ANKRD36C: variants seen among roughly 807,000 people sequenced by gnomAD.
The protein encoded by ANKRD36C is ankyrin repeat domain 36C, also known as ankyrin repeat domain-containing protein 36C.
A neutral mutation model predicts 276.4 loss-of-function variants in ANKRD36C; 61 were observed. That is an observed-to-expected ratio of 0.22 (90% CI 0.18 to 0.27). ANKRD36C has a LOEUF of 0.27. Ranked by LOEUF, ANKRD36C falls within the 10% of genes least tolerant of loss-of-function variation. The pLI is 1.00. For missense variants in ANKRD36C, 1,447 were observed against 2,032.3 expected, an observed-to-expected ratio of 0.71 and a Z score of 5.54; for synonymous variants, 483 against 680.1, an observed-to-expected ratio of 0.71 and a Z score of 4.51.
intron 44 of ANKRD36C, 141 bp downstream of exon 64, chr2:95,893,392 A>C (rs1676433142): frequency 8.2e-7 from 1 of 1,215,678 alleles, no homozygotes; most frequent in Non-Finnish European, 1.1e-6. Context: ...GCATCACCCA[A>C]GAACTTACTA....
intron 60 of ANKRD36C, among the ~76,000 whole-genome samples, chr2:95,864,832 A>G (rs1043279208): frequency 3.3e-5 from 5 of 152,032 alleles, no homozygotes; most frequent in African/African-American, 1.2e-4. Context: ...GTAACAGGGT[A>G]GTTTGAGAAA....
intron 52 of ANKRD36C, among the ~76,000 whole-genome samples, chr2:95,885,035 GATAAT>G (rs1350175863): frequency 6.6e-6 from 1 of 151,924 alleles, no homozygotes; most frequent in African/African-American, 2.4e-5. Flanking sequence ...GGCACCAAAG[GATAAT>G]ATATTAGCCT....
At chr2:95,916,111 C>G (rs758121909) in intron 37 of ANKRD36C, 32 bp downstream of exon 39, 1 of 1,605,210 alleles carries the variant, frequency 6.2e-7, no homozygotes. Flanking sequence ...TATACGTTTA[C>G]TAGCTCACAA....
At chr2:95,991,778 A>G in exon 1 of ANKRD36C, 1 of 1,455,588 alleles carries the variant, frequency 6.9e-7, no homozygotes, top group Non-Finnish European at 9.4e-7. Flanking sequence ...GCCTCCGAAG[A>G]GCAACAACAG....
At chr2:95,889,683 C>G in intron 48 of ANKRD36C, 116 bp downstream of exon 68, 1 of 1,384,588 alleles carries the variant, frequency 7.2e-7, no homozygotes, top group Non-Finnish European at 1.0e-6. Context: ...TGAATAATCT[C>G]AGGAATACTG....
intron 59 of ANKRD36C, among the ~76,000 whole-genome samples, chr2:95,874,388 A>G (rs1378492837): frequency 2.0e-5 from 3 of 152,234 alleles, no homozygotes; most frequent in Non-Finnish European, 4.4e-5. Context: ...ATCTACAACT[A>G]TCTGATCTTT....
chr2:95,853,792 G>A, exon 64 of ANKRD36C: 2 of 1,606,802 alleles, frequency 1.2e-6, no homozygotes, highest in Non-Finnish European at 1.7e-6. Flanking sequence ...GAAGCATCCA[G>A]CAAAGCTTTT....
intron 44 of ANKRD36C, among the ~76,000 whole-genome samples, chr2:95,894,525 A>G (rs1332665568): frequency 4.0e-5 from 6 of 151,434 alleles, no homozygotes; most frequent in Non-Finnish European, 8.9e-5. Context: ...ATTGAAAATG[A>G]TCACTCTAGG....
At chr2:95,977,550 T>G (rs1048591325) in intron 6 of ANKRD36C, among the ~76,000 whole-genome samples, 7 of 152,114 alleles carry the variant, frequency 4.6e-5, no homozygotes, top group Non-Finnish European at 8.8e-5. Flanking sequence ...ACTAGATTGA[T>G]AGTAGTTCAA....
intron 56 of ANKRD36C, among the ~76,000 whole-genome samples, chr2:95,881,037 C>T (rs1676067105): frequency 6.6e-6 from 1 of 152,176 alleles, no homozygotes; most frequent in Non-Finnish European, 1.5e-5. Flanking sequence ...ATAACATAAA[C>T]ATTCATCATG....
chr2:95,868,124 A>G (rs1675719694), intron 59 of ANKRD36C, among the ~76,000 whole-genome samples: 1 of 151,778 alleles, frequency 6.6e-6, no homozygotes, highest in Non-Finnish European at 1.5e-5. Flanking sequence ...ACTTCTAGAC[A>G]TACTGCTGAT....
chr2:95,876,711 G>A (rs1031244772), intron 58 of ANKRD36C, among the ~76,000 whole-genome samples, 199 bp from the exon 79 acceptor site: 1 of 146,668 alleles, frequency 6.8e-6, no homozygotes, highest in Non-Finnish European at 1.5e-5. Context: ...AATTAGCTGG[G>A]CGTGGTGGTG....
At chr2:95,872,732 GT>G (rs989092155) in intron 59 of ANKRD36C, among the ~76,000 whole-genome samples, 1 of 151,958 alleles carries the variant, frequency 6.6e-6, no homozygotes, top group African/African-American at 2.4e-5. Flanking sequence ...CCAGGAGCTG[GT>G]TTTTTGAAAG....
At chr2:95,948,357 T>TA (rs1553408071) in intron 17 of ANKRD36C, among the ~76,000 whole-genome samples, 173 bp downstream of exon 17, 12 of 139,484 alleles carry the variant, frequency 8.6e-5, no homozygotes, top group Non-Finnish European at 1.6e-4. Flanking sequence ...ATTTGCAAAG[T>TA]AAAAAAAAAT....
At position 95,968,096 on chromosome 2, in the gene ANKRD36C, GA is replaced by G. The variant is rs1004513760; in HGVS notation, c.800-5550del. 4.7e-5 allele frequency among the ~76,000 whole-genome samples: 7 copies of G among 150,030 alleles called. No individual in the cohort carries two copies. In the South Asian group the frequency reaches 1.0e-3, roughly 22 times the overall value. On this transcript the variant is annotated intron_variant, in intron 6 of 66. Coordinates refer to ENST00000456556, the Ensembl canonical transcript of ANKRD36C. ...GACAAAGTGAGACTTCATCTCAAAA[GA>G]AAAAAAAATCATGAACTTTTGTACA...
At chr2:95,896,409 T>C (rs1228085468) in intron 44 of ANKRD36C, among the ~76,000 whole-genome samples, 3 of 148,998 alleles carry the variant, frequency 2.0e-5, no homozygotes, top group Non-Finnish European at 3.0e-5. Context: ...TAGGAGTTAG[T>C]TAGAATTCAA....
chr2:95,974,673 T>G lies in ANKRD36C; in HGVS notation c.799+3449A>C, dbSNP rs181720154. Among the ~76,000 whole-genome samples, 461 of 152,188 alleles carry G rather than the reference T, an allele frequency of 3.0e-3. 2 individuals are homozygous for G. The highest frequency in any genetic ancestry group is 0.011 in the African/African-American group (443 of 41,526). On this transcript the variant is annotated intron_variant, in intron 6 of 66. Transcript: ENST00000456556. Reference sequence around the variant, plus strand: ...TAGGCTACTTCTTTTTTTTTTATACTTTAAGTTTTAGGGTACATGTGCACA... The same window carrying G: ...TAGGCTACTTCTTTTTTTTTTATACGTTAAGTTTTAGGGTACATGTGCACA...
chr2:95,921,170 A>G (rs796228696), intron 34 of ANKRD36C, among the ~76,000 whole-genome samples: 6 of 150,598 alleles, frequency 4.0e-5, no homozygotes, highest in Non-Finnish European at 5.9e-5. Context: ...TACATCAGGG[A>G]TCTCCTTAGT....
At chr2:95,891,163 A>G (rs1302420442) in intron 46 of ANKRD36C, among the ~76,000 whole-genome samples, 3 of 151,452 alleles carry the variant, frequency 2.0e-5, no homozygotes, top group Non-Finnish European at 4.4e-5. Context: ...AAACCCCAAA[A>G]TTATATAAAA....
Sources: allele counts gnomAD v4.1 joint callset (sites outside exome capture counted in the v4.1 genomes callset), GRCh38; gene constraint gnomAD v4.1.1; transcripts MANE v1.5; gene names NCBI Gene and HGNC (gene_info 2026-07-23, HGNC 2026-07-21).